The following PCDHGB2 variants were observed in gnomAD, a reference collection of about 807,000 sequenced individuals.
PCDHGB2 encodes protocadherin gamma subfamily B, 2, also known as protocadherin gamma-B2.
PCDHGB2 carries 55 observed loss-of-function variants against 59.3 expected under a neutral mutation model. The observed-to-expected ratio is 0.93, with a 90% CI of 0.75 to 1.16. The LOEUF (loss-of-function observed/expected upper bound fraction) is 1.16, where lower values mean the gene tolerates loss of function less well. PCDHGB2 is among the 50% of genes most tolerant of loss of function. PCDHGB2 has a pLI of 0.00. For missense variants in PCDHGB2, 1,228 were observed against 1,198.5 expected (o/e 1.02, Z -0.36); for synonymous variants, 516 against 512.0 (o/e 1.01, Z -0.11).
rs1196083589 is a variant in PCDHGB2, at chr5:141,486,525, A to G, written c.2422-8282A>G. On this transcript the variant is annotated intron_variant, in intron 1 of 3. Coordinates refer to ENST00000522605, the MANE Select transcript of PCDHGB2 (RefSeq NM_018923.3). This position sits in a 1 kb window ranked among gnomAD's most constrained non-coding sequence, Gnocchi z 5.0. ...CTCAATATTTCAGATGTGAATGATA[A>G]TCCACCCTCTTTCTTTCAGAGGTCA... 1 of 1,614,158 alleles carries G rather than the reference A, an allele frequency of 6.2e-7. No individual in the cohort carries two copies. Among genetic ancestry groups the G allele is most frequent in the African/African-American group, 1.3e-5 (1 of 75,054 alleles).
intron 1 of PCDHGB2, chr5:141,403,605 G>A (rs2094432434): frequency 6.2e-7 from 1 of 1,613,690 alleles, no homozygotes; most frequent in Admixed American, 1.7e-5. Context: ...TCGGATGGCG[G>A]CGAGCCGCGT....
chr5:141,423,517 T>A (rs750915364), intron 1 of PCDHGB2: 1 of 1,613,834 alleles, frequency 6.2e-7, no homozygotes, highest in Admixed American at 1.7e-5. Context: ...CATTGCGGAC[T>A]CGCAGAAGAG....
chr5:141,369,156 A>C lies in PCDHGB2; in HGVS notation c.2421+6600A>C, dbSNP rs534244995. ...CATGGAAAATGGCATGTTATTGACC[A>C]GGGAAAAGTGTAAATAACAAAAAGT... On this transcript the variant is annotated intron_variant, in intron 1 of 3. Coordinates refer to ENST00000522605, the MANE Select transcript of PCDHGB2 (RefSeq NM_018923.3). Among the ~76,000 whole-genome samples the C allele has an allele frequency of 1.4e-3, 215 of 152,354 alleles. 2 individuals carry two copies. Among genetic ancestry groups the C allele is most frequent in the Non-Finnish European group, 4.6e-4 (31 of 68,032 alleles).
chr5:141,450,006 C>CT lies in PCDHGB2; in HGVS notation c.2422-44783dup, dbSNP rs1554136305. ...CACATTGCATTTAGTTGCCATGTCT[C>CT]TTTTTTTTTTTTTTTTTTGAGACAG... On this transcript the variant is annotated intron_variant, in intron 1 of 3. Coordinates refer to ENST00000522605, the MANE Select transcript of PCDHGB2 (RefSeq NM_018923.3). Among the ~76,000 whole-genome samples the CT allele has an allele frequency of 9.8e-3, 1,304 of 132,922 alleles. 21 individuals are homozygous for CT. Among genetic ancestry groups the CT allele is most frequent in the Non-Finnish European group, 0.015 (957 of 62,878 alleles). 87.2% of individuals were successfully genotyped at this position (132,922 alleles called of 152,430 possible).
In PCDHGB2 at chr5:141,476,087, C is replaced by T. The variant is rs758610836; in HGVS notation, c.2422-18720C>T. The stretch of plus-strand genomic sequence containing the variant: ...AGCGAAATCTCAGGGACGATCTGGA[C>T]CCCGCTGAGAGGAACTGCTTTTGAG... On this transcript the variant is annotated intron_variant, in intron 1 of 3. Coordinates refer to ENST00000522605, the MANE Select transcript of PCDHGB2 (RefSeq NM_018923.3). This position sits in a 1 kb window ranked among gnomAD's most constrained non-coding sequence, Gnocchi z 7.6. 9 of 1,553,656 alleles carry T rather than the reference C, an allele frequency of 5.8e-6. No individual in the cohort carries two copies. The South Asian group carries it at 1.1e-4, about 19-fold the overall frequency.
At chr5:141,366,358 CAGTATCA>C (rs1426997728) in intron 1 of PCDHGB2, 16 of 1,613,898 alleles carry the variant, frequency 9.9e-6, no homozygotes, top group African/African-American at 1.3e-5. Context: ...CTGACCTAGG[CAGTATCA>C]AGACCCCCAT....
chr5:141,362,094 A>G lies in PCDHGB2; in HGVS notation c.1959A>G (p.Pro653=), dbSNP rs749569389. The change falls in exon 1 of 4, where the codon CCA becomes CCG. Residue 653 remains proline, a synonymous_variant. Coordinates refer to ENST00000522605, the MANE Select transcript of PCDHGB2 (RefSeq NM_018923.3). The stretch of plus-strand genomic sequence containing the variant: ...CTGTGCGTGATGGAGGACAGCCGCC[A>G]CTCTCCGCTACGGCCACGCTGCACC... ...LVAVRDGGQP[P]LSATATLHLI... is the part of the protein sequence containing the mutation. 1 of 1,613,384 alleles carries G rather than the reference A, an allele frequency of 6.2e-7. No individual in the cohort carries two copies. Among genetic ancestry groups the G allele is most frequent in the East Asian group, 2.2e-5 (1 of 44,860 alleles).
chr5:141,403,248 G>A lies in PCDHGB2; in HGVS notation c.2421+40692G>A, dbSNP rs778873368. 3.1e-6 allele frequency: 5 copies of A among 1,613,928 alleles called. No homozygotes were observed. The Admixed American group carries it at 6.7e-5, about 22-fold the overall frequency. On this transcript the variant is annotated intron_variant, in intron 1 of 3. Transcript: ENST00000522605. ...GACCGGGAGGAGCTCTGTGCTCAGA[G>A]CCCGCGGTGTCTGGTGAACTTTAAA...
intron 1 of PCDHGB2, among the ~76,000 whole-genome samples, chr5:141,480,720 G>C (rs2099524423): frequency 6.6e-6 from 1 of 152,146 alleles, no homozygotes; most frequent in Non-Finnish European, 1.5e-5. Context: ...TGAAAGCACA[G>C]TCTCTGGGGG....
chr5:141,511,412 C>A lies in PCDHGB2; in HGVS notation c.*239C>A. 1.1e-6 allele frequency: 1 copy of A among 892,000 alleles called. No homozygotes were observed. Among genetic ancestry groups the A allele is most frequent in the Non-Finnish European group, 1.6e-6 (1 of 609,476 alleles). The allele number at this position is 892,000 out of a possible 1,614,324, so 55.3% of individuals were successfully genotyped here. On this transcript the variant is annotated 3_prime_UTR_variant, in exon 4 of 4. Coordinates refer to ENST00000522605, the MANE Select transcript of PCDHGB2 (RefSeq NM_018923.3). ...AACCCCCATCCAATCAACTGCTGTA[C>A]CCATGGGGGTAGTGGGGTTACTGTA...
At chr5:141,451,107 C>T (rs768308463) in intron 1 of PCDHGB2, among the ~76,000 whole-genome samples, 3 of 152,118 alleles carry the variant, frequency 2.0e-5, no homozygotes, top group Non-Finnish European at 4.4e-5. Flanking sequence ...GGATTACAGG[C>T]GTGAGCCACC....
In PCDHGB2 at chr5:141,476,715, G is replaced by A. The variant is rs199871912; in HGVS notation, c.2422-18092G>A. 12 of 1,614,168 alleles carry A rather than the reference G, an allele frequency of 7.4e-6. No individual in the cohort carries two copies. The highest frequency in any genetic ancestry group is 1.7e-5 in the Admixed American group (1 of 60,032). On this transcript the variant is annotated intron_variant, in intron 1 of 3. Coordinates refer to ENST00000522605, the MANE Select transcript of PCDHGB2 (RefSeq NM_018923.3). The surrounding 1 kb of genome is among the most constrained non-coding windows in gnomAD (Gnocchi z 7.6). ...AAGTACGCGGAGCTGGTGTTGGAGC[G>A]CGCCCTGGACCGAGAACGGGAGCCT...
intron 1 of PCDHGB2, chr5:141,423,850 A>G: frequency 1.6e-6 from 2 of 1,278,674 alleles, no homozygotes; most frequent in East Asian, 3.1e-5. Flanking sequence ...ATCTTTCAGA[A>G]CGTTTTTGTG....
intron 1 of PCDHGB2, among the ~76,000 whole-genome samples, chr5:141,382,009 A>G (rs1219907347): frequency 6.6e-6 from 1 of 151,376 alleles, no homozygotes; most frequent in African/African-American, 2.4e-5. Flanking sequence ...TTGTATTTTT[A>G]GTAGAGACGG....
chr5:141,396,860 T>C (rs1273570477), intron 1 of PCDHGB2, among the ~76,000 whole-genome samples: 1 of 152,230 alleles, frequency 6.6e-6, no homozygotes, highest in African/African-American at 2.4e-5. Flanking sequence ...ATAGTTTGTG[T>C]ACCATTTGGA....
At chr5:141,384,494 T>G (rs900386629) in intron 1 of PCDHGB2, 2 of 1,613,972 alleles carry the variant, frequency 1.2e-6, no homozygotes, top group Admixed American at 1.7e-5. Context: ...CAACTAAGAG[T>G]GACTGCACAT....
intron 1 of PCDHGB2, chr5:141,399,206 C>T (rs2093769623): frequency 1.2e-6 from 2 of 1,613,908 alleles, no homozygotes; most frequent in South Asian, 2.2e-5. Flanking sequence ...GTGCCTGGAA[C>T]ACTAATTGCT....
chr5:141,372,177 G>T (rs1768466663), intron 1 of PCDHGB2: 1 of 1,613,730 alleles, frequency 6.2e-7, no homozygotes, highest in African/African-American at 1.3e-5. Flanking sequence ...GGTGGCGGTG[G>T]ACGCAGACTC....
chr5:141,399,950 G>A lies in PCDHGB2; in HGVS notation c.2421+37394G>A, dbSNP rs566695854. On this transcript the variant is annotated intron_variant, in intron 1 of 3. Coordinates refer to ENST00000522605, the MANE Select transcript of PCDHGB2 (RefSeq NM_018923.3). ...CTGTCCTACCACGTGCTGCAGGCTA[G>A]CGAGCCCGGGCTCTTCAGCCTGGGG... The A allele has an allele frequency of 4.3e-6, 7 of 1,612,178 alleles. No individual in the cohort carries two copies. The African/African-American group carries it at 6.7e-5, about 15-fold the overall frequency.
Sources: allele counts gnomAD v4.1 joint callset (sites outside exome capture counted in the v4.1 genomes callset), GRCh38; gene constraint gnomAD v4.1.1; non-coding constraint Gnocchi (gnomAD v3.1); transcripts MANE v1.5; gene names NCBI Gene and HGNC (gene_info 2026-07-23, HGNC 2026-07-21).